RPS6KA6: variants seen among roughly 807,000 people sequenced by gnomAD.
The protein encoded by RPS6KA6 is ribosomal protein S6 kinase alpha-6.
Under a neutral mutation model 65.4 loss-of-function variants are expected in RPS6KA6, and 27 were observed. That is an observed-to-expected ratio of 0.41 (90% confidence interval 0.30 to 0.57). The LOEUF (loss-of-function observed/expected upper bound fraction) is 0.57, where lower values mean the gene tolerates loss of function less well. Ranked by LOEUF, RPS6KA6 falls within the 20% of genes least tolerant of loss-of-function variation. RPS6KA6 has a pLI of 0.24. For synonymous variants in RPS6KA6, 190 were observed against 184.2 expected, an observed-to-expected ratio of 1.03 and a Z score of -0.26; for missense variants, 486 against 555.6, an observed-to-expected ratio of 0.87 and a Z score of 1.26.
intron 1 of RPS6KA6, among the ~76,000 whole-genome samples, chrX:84,173,668 A>AT (rs1259845311): frequency 4.9e-4 from 55 of 112,115 alleles, no homozygotes; most frequent in African/African-American, 1.6e-3. Flanking sequence ...TCATTTATTT[A>AT]TTTTTTGAGA....
At chrX:84,108,637 T>C (rs1480836048) in intron 12 of RPS6KA6, among the ~76,000 whole-genome samples, 1 of 111,251 alleles carries the variant, frequency 9.0e-6, no homozygotes, top group Non-Finnish European at 1.9e-5. Context: ...ATGCTAACCA[T>C]AGGTAAACCC....
At chrX:84,164,269 T>C in intron 2 of RPS6KA6, 59 bp downstream of exon 2, 1 of 868,547 alleles carries the variant, frequency 1.2e-6, no homozygotes, top group Non-Finnish European at 1.7e-6. Flanking sequence ...CTCCTTTCCC[T>C]GTATTCTTTT....
chrX:84,145,544 T>G lies in RPS6KA6; in HGVS notation c.435A>C (p.Glu145Asp). Residue 145 changes from glutamate to aspartate, a missense_variant, in exon 6 of 22, where the codon GAA becomes GAC. Glu to Asp is a conservative substitution (Grantham distance 45, BLOSUM62 2). Around this residue, in one of 3 missense-constraint regions of RPS6KA6, gnomAD observed 35 missense variants for 75.5 expected, o/e 0.46. Transcript: ENST00000262752. The stretch of plus-strand genomic sequence containing the variant: ...AATCCAGTATTAAGTACAGTTTCCC[T>G]TCAGTCTGAAAGGCTAATTAAAAAT... Reference protein sequence around the residue: ...IVKLHYAFQTEGKLYLILDFL... With the variant: ...IVKLHYAFQTDGKLYLILDFL... 1 of 1,129,959 alleles carries G rather than the reference T, an allele frequency of 8.8e-7. No homozygotes were observed. The highest frequency in any genetic ancestry group is 2.8e-5 in the Admixed American group (1 of 36,179). The allele number at this position is 1,129,959 out of a possible 1,213,427, so 93.1% of individuals were successfully genotyped here.
intron 6 of RPS6KA6, among the ~76,000 whole-genome samples, chrX:84,139,902 G>A (rs1469935525): frequency 1.8e-5 from 2 of 111,823 alleles, no homozygotes; most frequent in Non-Finnish European, 3.8e-5. Context: ...GTTTCCAAGT[G>A]GTAGTACAGG....
At chrX:84,072,035 G>C (rs971395334) in intron 20 of RPS6KA6, among the ~76,000 whole-genome samples, 1 of 111,291 alleles carries the variant, frequency 9.0e-6, no homozygotes, top group Non-Finnish European at 1.9e-5. Flanking sequence ...AATTCCAAAG[G>C]ATTAAAGAGG....
At chrX:84,165,019 C>T (rs1032795457) in intron 1 of RPS6KA6, among the ~76,000 whole-genome samples, 4 of 111,384 alleles carry the variant, frequency 3.6e-5, no homozygotes, top group Non-Finnish European at 7.5e-5. Context: ...AATCTGACCT[C>T]TTGTCCGTTT....
chrX:84,059,120 T>C lies in RPS6KA6; in HGVS notation c.*5157A>G, dbSNP rs1427424325. 11 of 63,678 alleles carry C rather than the reference T, an allele frequency of 1.7e-4. No individual in the cohort carries two copies. The East Asian group carries it at 3.0e-3, about 17-fold the overall frequency. 5.2% of individuals were successfully genotyped at this position (63,678 alleles called of 1,213,427 possible). ...TTAAATGGCTGTTTCTTTTCTTTTT[T>C]TTTTTTTTTTTTTTTTTTTTTTTTT... On this transcript the variant is annotated 3_prime_UTR_variant, in exon 22 of 22. Transcript: ENST00000262752.
At chrX:84,146,754 GTTACT>G (rs2035206399) in intron 5 of RPS6KA6, among the ~76,000 whole-genome samples, 1 of 111,503 alleles carries the variant, frequency 9.0e-6, no homozygotes. Flanking sequence ...ACACTATCTT[GTTACT>G]TTAAACAAGT....
chrX:84,084,250 C>T (rs1425020354), intron 20 of RPS6KA6, among the ~76,000 whole-genome samples: 2 of 112,010 alleles, frequency 1.8e-5, no homozygotes, highest in Non-Finnish European at 3.8e-5. Context: ...TTTGTTGCAA[C>T]TGCTTTTGTC....
intron 20 of RPS6KA6, among the ~76,000 whole-genome samples, chrX:84,078,242 C>T (rs1194624654): frequency 8.9e-6 from 1 of 112,048 alleles, no homozygotes; most frequent in Non-Finnish European, 1.9e-5. Context: ...CGAATTAAAA[C>T]TACTTTCAAA....
chrX:84,124,623 TAA>T (rs200401555), intron 8 of RPS6KA6, among the ~76,000 whole-genome samples: 1 of 91,968 alleles, frequency 1.1e-5, no homozygotes, highest in Admixed American at 1.2e-4. Flanking sequence ...GAGACAAAAT[TAA>T]AAAAAAAAAA....
intron 1 of RPS6KA6, 133 bp from the exon 2 acceptor site, chrX:84,164,520 G>T (rs1205442023): frequency 4.4e-6 from 2 of 457,323 alleles, no homozygotes; most frequent in Non-Finnish European, 7.6e-6. Flanking sequence ...AAAGGACAAA[G>T]GACACATAGA....
At chrX:84,142,140 G>A (rs180722299) in intron 6 of RPS6KA6, among the ~76,000 whole-genome samples, 1,187 of 111,323 alleles carry the variant, frequency 0.011, 11 homozygotes, top group Admixed American at 0.048. Context: ...GCAAATATAA[G>A]TTTAAAAGAA....
chrX:84,109,895 C>G (rs2034436212), intron 12 of RPS6KA6, among the ~76,000 whole-genome samples: 1 of 111,441 alleles, frequency 9.0e-6, no homozygotes, highest in African/African-American at 3.3e-5. Flanking sequence ...CTGTCTACCA[C>G]TGCTAGTACA....
intron 1 of RPS6KA6, among the ~76,000 whole-genome samples, chrX:84,184,829 CAAA>C (rs11445430): frequency 0.018 from 358 of 20,027 alleles, 4 homozygotes; most frequent in African/African-American, 0.065. Flanking sequence ...GACCCTGACT[CAAA>C]AAAAAAAAAA....
chrX:84,184,925 A>G (rs2147659556), intron 1 of RPS6KA6, among the ~76,000 whole-genome samples: 1 of 110,773 alleles, frequency 9.0e-6, no homozygotes, highest in African/African-American at 3.3e-5. Flanking sequence ...CTATGATATG[A>G]AATGTGAAAA....
intron 1 of RPS6KA6, among the ~76,000 whole-genome samples, chrX:84,176,585 G>C (rs2035772730): frequency 9.0e-6 from 1 of 111,690 alleles, no homozygotes; most frequent in Non-Finnish European, 1.9e-5. Context: ...TATTATTCTT[G>C]ACAAACATTA....
chrX:84,066,214 T>G (rs2033397766), intron 20 of RPS6KA6, among the ~76,000 whole-genome samples: 1 of 108,721 alleles, frequency 9.2e-6, no homozygotes, highest in South Asian at 4.1e-4. Context: ...CAGTTTTTTT[T>G]TTTTTTTTCG....
At chrX:84,106,828 A>T (rs994430985) in intron 14 of RPS6KA6, 82 bp downstream of exon 14, 86 of 807,045 alleles carry the variant, frequency 1.1e-4, no homozygotes, top group Non-Finnish European at 1.3e-4. Flanking sequence ...AAATCACTTT[A>T]AAAAAAACGA....
Sources: allele counts gnomAD v4.1 joint callset (sites outside exome capture counted in the v4.1 genomes callset), GRCh38; gene constraint gnomAD v4.1.1; regional missense constraint gnomAD v4.1.1; transcripts MANE v1.5; gene names NCBI Gene and HGNC (gene_info 2026-07-23, HGNC 2026-07-21).